Variants in SLC39A11 observed in about 807,000 individuals in gnomAD.
SLC39A11 encodes solute carrier family 39 member 11.
A neutral mutation model predicts 36.1 loss-of-function variants in SLC39A11; 33 were observed. The observed-to-expected ratio is 0.91, with a 90% CI of 0.69 to 1.22. SLC39A11 has a LOEUF of 1.22. SLC39A11 is among the 50% of genes most tolerant of loss of function. The pLI is 0.00. For synonymous variants in SLC39A11, 166 were observed against 170.3 expected (o/e 0.97, Z 0.20); for missense variants, 432 against 430.3 (o/e 1.00, Z -0.03).
At chr17:72,865,579 C>CT (rs2080262158) in intron 5 of SLC39A11, among the ~76,000 whole-genome samples, 1 of 151,710 alleles carries the variant, frequency 6.6e-6, no homozygotes, top group Non-Finnish European at 1.5e-5. Flanking sequence ...CAAACCTACT[C>CT]TAAAAAAAAA....
chr17:72,828,931 A>C (rs1192125377), intron 6 of SLC39A11, among the ~76,000 whole-genome samples: 1 of 152,172 alleles, frequency 6.6e-6, no homozygotes, highest in Non-Finnish European at 1.5e-5. Flanking sequence ...GGGGAGATTA[A>C]AGACATTTAT....
Position 73,048,792 on chromosome 17 carries a change from C to G in SLC39A11, c.148-17078G>C, listed in dbSNP as rs116708966. Among the ~76,000 whole-genome samples, 924 of 152,312 alleles carry G rather than the reference C, an allele frequency of 6.1e-3. 8 individuals carry two copies. Among genetic ancestry groups the G allele is most frequent in the African/African-American group, 0.021 (878 of 41,574 alleles). On this transcript the variant is annotated intron_variant, in intron 3 of 9. Transcript: ENST00000255559. ...GATACTACGTATGTTTATTATGTCTCTATTCTTACTATTATTGCAGCCAAT... is the reference window on the plus strand; with the variant it reads ...GATACTACGTATGTTTATTATGTCTGTATTCTTACTATTATTGCAGCCAAT...
intron 5 of SLC39A11, among the ~76,000 whole-genome samples, chr17:72,880,995 A>G (rs1406951434): frequency 2.7e-5 from 1 of 37,252 alleles, no homozygotes; most frequent in Admixed American, 2.4e-4. Flanking sequence ...ATAAAATTAT[A>G]AAGACTGACC....
intron 6 of SLC39A11, among the ~76,000 whole-genome samples, chr17:72,793,634 T>C (rs2076792208): frequency 6.6e-6 from 1 of 152,174 alleles, no homozygotes; most frequent in African/African-American, 2.4e-5. Context: ...CTCGCTATGT[T>C]ACCCAGGCTG....
chr17:72,873,940 C>T (rs923709695), intron 5 of SLC39A11, among the ~76,000 whole-genome samples: 1 of 152,070 alleles, frequency 6.6e-6, no homozygotes, highest in African/African-American at 2.4e-5. Context: ...ATAAGGGGCT[C>T]CCCCCACTTG....
At chr17:73,039,995 A>G (rs4969055) in intron 3 of SLC39A11, among the ~76,000 whole-genome samples, 149,148 of 152,228 alleles carry the variant, frequency 0.98, 73,144 homozygotes, top group Middle Eastern at 1. Flanking sequence ...TTAAGTTACC[A>G]CCTCCCCCAT....
chr17:72,843,245 G>A (rs144514659), intron 6 of SLC39A11, among the ~76,000 whole-genome samples: 50 of 152,262 alleles, frequency 3.3e-4, no homozygotes, highest in East Asian at 2.1e-3. Flanking sequence ...CACCGCGCCC[G>A]GCCTGGGGAG....
intron 5 of SLC39A11, among the ~76,000 whole-genome samples, chr17:72,896,898 C>G (rs554475065): frequency 6.6e-6 from 1 of 151,174 alleles, no homozygotes; most frequent in South Asian, 2.1e-4. Flanking sequence ...ACTAAAAATA[C>G]AAAAATTAGC....
chr17:72,751,794 C>A (rs1291761987), intron 6 of SLC39A11, among the ~76,000 whole-genome samples: 1 of 152,170 alleles, frequency 6.6e-6, no homozygotes, highest in African/African-American at 2.4e-5. Flanking sequence ...CCAGGCTGGT[C>A]TCGAACCCCT....
rs141437498 is a variant in SLC39A11, at chr17:72,692,138, A to T, written c.672-42870T>A. Among the ~76,000 whole-genome samples, 5 of 151,798 alleles carry T rather than the reference A, an allele frequency of 3.3e-5. No homozygotes were observed. The East Asian group carries it at 9.7e-4, about 29-fold the overall frequency. On this transcript the variant is annotated intron_variant, in intron 7 of 9. Coordinates refer to ENST00000255559, the MANE Select transcript of SLC39A11 (RefSeq NM_139177.4). The stretch of plus-strand genomic sequence containing the variant: ...CCATTCTTCTGCCTCAGCCTTCCTG[A>T]GTAGCTGGGACTACAGGTGCCTGCC...
chr17:72,854,009 GGGGACTATTTCATTTA>G (rs2079507728), intron 5 of SLC39A11, among the ~76,000 whole-genome samples: 1 of 152,030 alleles, frequency 6.6e-6, no homozygotes, highest in Admixed American at 6.5e-5. Flanking sequence ...GGAGTAGAGG[GGGGACTATTTCATTTA>G]GGGATGAAAT....
At chr17:72,770,611 G>A (rs2075899448) in intron 6 of SLC39A11, among the ~76,000 whole-genome samples, 1 of 152,144 alleles carries the variant, frequency 6.6e-6, no homozygotes, top group African/African-American at 2.4e-5. Context: ...TCCTTCTCAG[G>A]TCTTTCTCCC....
At chr17:73,017,108 A>T (rs2058193369) in intron 4 of SLC39A11, among the ~76,000 whole-genome samples, 1 of 152,204 alleles carries the variant, frequency 6.6e-6, no homozygotes, top group Non-Finnish European at 1.5e-5. Flanking sequence ...GGCAAAGTGG[A>T]TTGGAGGGCA....
intron 7 of SLC39A11, among the ~76,000 whole-genome samples, chr17:72,715,703 C>CT (rs1395459793): frequency 6.6e-6 from 1 of 152,012 alleles, no homozygotes; most frequent in Non-Finnish European, 1.5e-5. Flanking sequence ...CATGTACCAT[C>CT]TTTTTTTATT....
chr17:72,974,426 T>C (rs1436976233), intron 4 of SLC39A11, among the ~76,000 whole-genome samples: 1 of 92,846 alleles, frequency 1.1e-5, no homozygotes, highest in Non-Finnish European at 2.4e-5. Context: ...ATCTTCATTT[T>C]GTACCAAAAA....
At chr17:72,927,711 G>GA (rs747932319) in intron 5 of SLC39A11, among the ~76,000 whole-genome samples, 4 of 151,926 alleles carry the variant, frequency 2.6e-5, no homozygotes, top group African/African-American at 4.8e-5. Flanking sequence ...AGAATTTCAG[G>GA]AAAAAAGAGC....
At chr17:73,060,262 T>TAA (rs200976783) in intron 3 of SLC39A11, among the ~76,000 whole-genome samples, 23 of 114,254 alleles carry the variant, frequency 2.0e-4, no homozygotes, top group East Asian at 1.2e-3. Context: ...GAAAACAAGG[T>TAA]AAAAAAAAAA....
At chr17:72,924,731 C>T (rs1443651024) in intron 5 of SLC39A11, among the ~76,000 whole-genome samples, 5 of 152,084 alleles carry the variant, frequency 3.3e-5, no homozygotes, top group East Asian at 1.9e-4. Context: ...AGGCCAGGCA[C>T]GGTGGCTCAC....
chr17:72,825,218 C>A (rs2077967986), intron 6 of SLC39A11, among the ~76,000 whole-genome samples: 1 of 140,748 alleles, frequency 7.1e-6, no homozygotes, highest in Admixed American at 6.9e-5. Flanking sequence ...TGCATCCCAG[C>A]CACTCCAGTT....
Sources: gnomAD v4.1 joint callset for allele counts (sites outside exome capture counted in the v4.1 genomes callset) on GRCh38, gnomAD v4.1.1 for gene constraint, MANE v1.5 for transcripts, NCBI Gene and HGNC (gene_info 2026-07-23, HGNC 2026-07-21) for gene names.